The following ARHGAP20 variants were observed in gnomAD, a reference collection of about 807,000 sequenced individuals.
ARHGAP20 encodes the protein rho GTPase-activating protein 20.
Under a neutral mutation model 73.7 loss-of-function variants are expected in ARHGAP20, and 34 were observed. The ratio of observed to expected loss-of-function variants is 0.46; its 90% CI spans 0.35 to 0.61. ARHGAP20 has a LOEUF of 0.61. Ranked by LOEUF, ARHGAP20 falls within the 20% of genes least tolerant of loss-of-function variation. The probability of loss-of-function intolerance (pLI) is 0.00; values close to 1 mark genes in which losing one functional copy is unlikely to be tolerated. For missense variants in ARHGAP20, 1,314 were observed against 1,420.9 expected (o/e 0.92, Z 1.21); for synonymous variants, 523 against 518.2 (o/e 1.01, Z -0.13).
chr11:110,603,054 G>A (rs1186873503), intron 9 of ARHGAP20, among the ~76,000 whole-genome samples: 1 of 152,194 alleles, frequency 6.6e-6, no homozygotes, highest in Non-Finnish European at 1.5e-5. Context: ...ATTATTCATT[G>A]TATTGTTTTG....
At chr11:110,597,264 A>T (rs539787617) in intron 9 of ARHGAP20, among the ~76,000 whole-genome samples, 9 of 151,046 alleles carry the variant, frequency 6.0e-5, no homozygotes, top group African/African-American at 2.0e-4. Context: ...CGTTGTGCAC[A>T]TGTACCCTAA....
At chr11:110,669,324 C>T (rs944202338) in intron 2 of ARHGAP20, among the ~76,000 whole-genome samples, 1 of 152,094 alleles carries the variant, frequency 6.6e-6, no homozygotes, top group African/African-American at 2.4e-5. Context: ...GCTAAATGAG[C>T]TCTTGAAATG....
At chr11:110,648,612 G>A (rs188828088) in intron 2 of ARHGAP20, among the ~76,000 whole-genome samples, 1 of 151,484 alleles carries the variant, frequency 6.6e-6, no homozygotes, top group African/African-American at 2.4e-5. Flanking sequence ...AGCCTCCCGA[G>A]TAACTGGGAT....
At chr11:110,607,566 A>T (rs1317620286) in intron 8 of ARHGAP20, among the ~76,000 whole-genome samples, 1 of 152,190 alleles carries the variant, frequency 6.6e-6, no homozygotes, top group African/African-American at 2.4e-5. Flanking sequence ...TTCCTGACTT[A>T]TCACTAAATG....
chr11:110,660,394 T>A (rs1024603928), intron 2 of ARHGAP20, among the ~76,000 whole-genome samples: 4 of 152,172 alleles, frequency 2.6e-5, no homozygotes, highest in African/African-American at 9.7e-5. Flanking sequence ...TACAAGTACA[T>A]AAATAATAAC....
intron 4 of ARHGAP20, among the ~76,000 whole-genome samples, chr11:110,615,907 A>T (rs1233623776): frequency 1.3e-5 from 2 of 152,222 alleles, no homozygotes; most frequent in East Asian, 3.8e-4. Context: ...TAGTGGAAAG[A>T]GTACTTGATT....
intron 2 of ARHGAP20, among the ~76,000 whole-genome samples, chr11:110,650,262 C>T (rs1429095150): frequency 6.6e-6 from 1 of 152,086 alleles, no homozygotes; most frequent in Admixed American, 6.6e-5. Flanking sequence ...AACCCCTGTT[C>T]CTAGAACTGT....
chr11:110,590,730 C>A lies in ARHGAP20; in HGVS notation c.1223G>T (p.Arg408Ile). 1 of 1,614,110 alleles carries A rather than the reference C, an allele frequency of 6.2e-7. No homozygotes were observed. Among genetic ancestry groups the A allele is most frequent in the Non-Finnish European group, 8.5e-7 (1 of 1,180,026 alleles). ...FRQSANVKSC[R>I]ELKEKLNSGV... ...AGAATTCAATTTCTCTTTTAGTTCT[C>A]TGCAGGATTTCACATTGGCTGATTG... The change falls in exon 11 of 15, where the codon AGA becomes ATA. Residue 408 changes from arginine to isoleucine, a missense_variant. By Grantham distance (97) the Arg-to-Ile change is moderately conservative. Coordinates refer to ENST00000683387, the MANE Select transcript of ARHGAP20 (RefSeq NM_001384657.1).
intron 9 of ARHGAP20, among the ~76,000 whole-genome samples, chr11:110,592,647 G>A (rs368130734): frequency 1.3e-5 from 2 of 152,076 alleles, no homozygotes; most frequent in Admixed American, 6.6e-5. Flanking sequence ...AGATGAAAGC[G>A]AAAAGGAGGA....
Position 110,596,747 on chromosome 11 carries a change from T to A in ARHGAP20, c.965-4592A>T, listed in dbSNP as rs1251722857. On this transcript the variant is annotated intron_variant, in intron 9 of 14. Coordinates refer to ENST00000683387, the MANE Select transcript of ARHGAP20 (RefSeq NM_001384657.1). ...AGTCAGTATGGCGATTCCTCAGGGA[T>A]CTAGAACTAGAAATACCATTTGACT... 5.9e-5 allele frequency among the ~76,000 whole-genome samples: 9 copies of A among 152,240 alleles called. No homozygotes were observed. The South Asian group carries it at 1.0e-3, about 18-fold the overall frequency.
At chr11:110,632,410 T>C (rs1483455124) in intron 2 of ARHGAP20, among the ~76,000 whole-genome samples, 1 of 152,126 alleles carries the variant, frequency 6.6e-6, no homozygotes, top group Non-Finnish European at 1.5e-5. Context: ...TTAGGATTTT[T>C]TTTTCTTATT....
chr11:110,583,702 A>G lies in ARHGAP20; in HGVS notation c.1451T>C (p.Leu484Pro). ...LDQLPRANVV[L>P]LRYLFGVLHN... ...TAACACCCCAAAAAGATACCTTAGG[A>G]GAACAACATTGGCTCTCGGAAGCTG... is the stretch of plus-strand genomic sequence containing the variant. The change falls in exon 13 of 15, where the codon CTC (leucine) becomes CCC (proline). Residue 484 changes from leucine to proline, a missense_variant. By Grantham distance (98) the Leu-to-Pro change is moderately conservative (BLOSUM62 -3). This residue lies in a region of ARHGAP20 where 230 missense variants were observed against 317.6 expected (regional missense o/e 0.72). Coordinates refer to ENST00000683387, the MANE Select transcript of ARHGAP20 (RefSeq NM_001384657.1). 1 of 1,601,004 alleles carries G rather than the reference A, an allele frequency of 6.2e-7. No homozygotes were observed. Among genetic ancestry groups the G allele is most frequent in the Non-Finnish European group, 8.5e-7 (1 of 1,171,490 alleles).
chr11:110,688,007 A>G (rs1242281655), intron 2 of ARHGAP20, among the ~76,000 whole-genome samples: 5 of 152,242 alleles, frequency 3.3e-5, no homozygotes, highest in Non-Finnish European at 5.9e-5. Context: ...AAAATTTAGT[A>G]TTCATTGAAA....
intron 2 of ARHGAP20, among the ~76,000 whole-genome samples, chr11:110,690,142 TC>T (rs1473968163): frequency 6.6e-6 from 1 of 152,186 alleles, no homozygotes; most frequent in Non-Finnish European, 1.5e-5. Flanking sequence ...ATGGTTATCT[TC>T]CTTCACATCT....
chr11:110,650,162 A>G (rs1320446284), intron 2 of ARHGAP20, among the ~76,000 whole-genome samples: 2 of 152,116 alleles, frequency 1.3e-5, no homozygotes, highest in African/African-American at 4.8e-5. Flanking sequence ...TTTTATATCT[A>G]TATGCCATGT....
chr11:110,603,517 G>A lies in ARHGAP20; in HGVS notation c.964+3044C>T, dbSNP rs189777612. 3.0e-3 allele frequency among the ~76,000 whole-genome samples: 451 copies of A among 152,216 alleles called. 1 individual carries two copies. The highest frequency in any genetic ancestry group is 0.01 in the African/African-American group (434 of 41,532). On this transcript the variant is annotated intron_variant, in intron 9 of 14. Transcript: ENST00000683387. ...AGCTGCTTTATATACTTCTTGTGCC[G>A]TTAAAAGTTAAAACAAGAAGCAAGA... is the stretch of plus-strand genomic sequence containing the variant.
At chr11:110,676,343 A>G (rs574216352) in intron 2 of ARHGAP20, among the ~76,000 whole-genome samples, 1 of 152,340 alleles carries the variant, frequency 6.6e-6, no homozygotes, top group East Asian at 1.9e-4. Flanking sequence ...TATAAAGGAA[A>G]GAGGTTTAAT....
chr11:110,624,010 C>G, intron 4 of ARHGAP20, 152 bp downstream of exon 4: 2 of 1,083,542 alleles, frequency 1.8e-6, no homozygotes, highest in South Asian at 1.7e-5. Context: ...TATGTGTCAA[C>G]AGATGAGTTA....
chr11:110,598,820 T>G (rs973503602), intron 9 of ARHGAP20, among the ~76,000 whole-genome samples: 2 of 151,924 alleles, frequency 1.3e-5, no homozygotes, highest in African/African-American at 2.4e-5. Context: ...TGGGTGCCAC[T>G]GCAGACACCC....
Sources: allele counts gnomAD v4.1 joint callset (sites outside exome capture counted in the v4.1 genomes callset), GRCh38; gene constraint gnomAD v4.1.1; regional missense constraint gnomAD v4.1.1; transcripts MANE v1.5; gene names NCBI Gene and HGNC (gene_info 2026-07-23, HGNC 2026-07-21).